ERC1: variants seen among roughly 807,000 people sequenced by gnomAD.
ERC1 encodes ELKS/RAB6-interacting/CAST family member 1.
ERC1 carries 56 observed loss-of-function variants against 132.0 expected under a neutral mutation model. The observed-to-expected ratio is 0.42, with a 90% CI of 0.34 to 0.53. The LOEUF (loss-of-function observed/expected upper bound fraction) is 0.53, where lower values mean the gene tolerates loss of function less well. Ranked by LOEUF, ERC1 falls within the 20% of genes least tolerant of loss-of-function variation. ERC1 has a pLI of 0.03. For missense variants in ERC1, 1,202 were observed against 1,349.9 expected (o/e 0.89, Z 1.72); for synonymous variants, 478 against 476.1 (o/e 1.00, Z -0.05).
chr12:1,302,636 C>T (rs997867565), intron 15 of ERC1, among the ~76,000 whole-genome samples: 2 of 152,060 alleles, frequency 1.3e-5, no homozygotes, highest in African/African-American at 2.4e-5. Context: ...TGTAATAAGG[C>T]GAGTCACGCA....
intron 6 of ERC1, among the ~76,000 whole-genome samples, chr12:1,114,704 C>T (rs1393062374): frequency 2.0e-5 from 3 of 152,056 alleles, no homozygotes; most frequent in East Asian, 1.9e-4. Flanking sequence ...ATATAGCCAC[C>T]GTTTAAAATT....
At chr12:1,465,368 G>A (rs2093723548) in intron 18 of ERC1, among the ~76,000 whole-genome samples, 1 of 151,848 alleles carries the variant, frequency 6.6e-6, no homozygotes, top group Admixed American at 6.6e-5. Context: ...CAAAAGGTTT[G>A]GTGGTACCAA....
rs73601998 is a variant in ERC1, at chr12:1,492,093, C to T, written c.*1863C>T. ...ATGGTCAGATTTCCAGCTCCCCCTACTCCCTGCTGTGAAACAATCCCTCTC... is the reference window on the plus strand; with the variant it reads ...ATGGTCAGATTTCCAGCTCCCCCTATTCCCTGCTGTGAAACAATCCCTCTC... On this transcript the variant is annotated 3_prime_UTR_variant, in exon 19 of 19. Transcript: ENST00000360905. 0.016 allele frequency: 3,685 copies of T among 233,094 alleles called. 129 individuals carry two copies. Among genetic ancestry groups the T allele is most frequent in the African/African-American group, 0.075 (3,421 of 45,408 alleles). 14.4% of individuals were successfully genotyped at this position (233,094 alleles called of 1,614,324 possible).
In ERC1 at chr12:1,127,733, C is replaced by T. The variant is rs377273400; in HGVS notation, c.1569+11700C>T. ...CCTCTGTGTTTCTAAGATACATATTCAGGAACATATTAAAACATATTAGAA... is the reference window on the plus strand; with the variant it reads ...CCTCTGTGTTTCTAAGATACATATTTAGGAACATATTAAAACATATTAGAA... On this transcript the variant is annotated intron_variant, in intron 7 of 18. Transcript: ENST00000360905. 8.5e-5 allele frequency among the ~76,000 whole-genome samples: 13 copies of T among 152,082 alleles called. No individual in the cohort carries two copies. In the East Asian group the frequency reaches 1.5e-3, roughly 18 times the overall value.
At position 1,180,656 on chromosome 12, in the gene ERC1, G is replaced by T. The variant is rs969676600; in HGVS notation, c.1854G>T (p.Leu618Phe). The T allele has an allele frequency of 3.1e-6, 5 of 1,613,924 alleles. No homozygotes were observed. Among genetic ancestry groups the T allele is most frequent in the Non-Finnish European group, 4.2e-6 (5 of 1,180,018 alleles). ...ACACTGACACTGCCTTGACAACTTT[G>T]GAGGAGGCCCTTGCAGAGAAAGTGA... The part of the protein sequence containing the change: ...TTNTDTALTT[L>F]EEALAEKERT... The change falls in exon 9 of 19, where the codon TTG (leucine) becomes TTT (phenylalanine). Residue 618 changes from leucine to phenylalanine, a missense_variant. Physicochemically the swap from Leu to Phe is conservative, Grantham distance 22. Coordinates refer to ENST00000360905, the MANE Select transcript of ERC1 (RefSeq NM_178040.4).
intron 12 of ERC1, among the ~76,000 whole-genome samples, chr12:1,219,706 G>A (rs995979630): frequency 1.3e-5 from 2 of 148,604 alleles, no homozygotes; most frequent in African/African-American, 5.0e-5. Context: ...CGTAATCTCG[G>A]CTCACTGCAA....
intron 15 of ERC1, among the ~76,000 whole-genome samples, chr12:1,312,178 C>A (rs961881365): frequency 6.6e-6 from 1 of 152,116 alleles, no homozygotes; most frequent in African/African-American, 2.4e-5. Context: ...GTGGTATGAT[C>A]ACATACCCCA....
rs764996827 is a variant in ERC1, at chr12:1,164,314, TTTATTTTGTTATTTTATTTTATG to T, written c.1738-16218_1738-16196del. 9.5e-3 allele frequency among the ~76,000 whole-genome samples: 1,379 copies of T among 145,784 alleles called. 11 individuals carry two copies. The highest frequency in any genetic ancestry group is 0.016 in the Admixed American group (232 of 14,880). ...ATTTTGTTATTTTATTTTATGTTAT[TTTATTTTGTTATTTTATTTTATG>T]TTATTTTATGTTATTTTATTTTTGA... On this transcript the variant is annotated intron_variant, in intron 8 of 18. Coordinates refer to ENST00000360905, the MANE Select transcript of ERC1 (RefSeq NM_178040.4).
intron 2 of ERC1, among the ~76,000 whole-genome samples, chr12:1,055,570 G>A (rs1399197703): frequency 6.6e-6 from 1 of 152,054 alleles, no homozygotes; most frequent in African/African-American, 2.4e-5. Flanking sequence ...CACAATCTCA[G>A]CATTTAAAAA....
intron 2 of ERC1, among the ~76,000 whole-genome samples, chr12:1,054,712 G>A (rs34076252): frequency 0.19 from 28,396 of 152,084 alleles, 3,365 homozygotes; most frequent in Non-Finnish European, 0.25. Flanking sequence ...CTTTAACAAA[G>A]CATTGTCTAA....
At chr12:1,175,988 A>G (rs1433617190) in intron 8 of ERC1, among the ~76,000 whole-genome samples, 4 of 152,148 alleles carry the variant, frequency 2.6e-5, no homozygotes, top group Admixed American at 6.5e-5. Flanking sequence ...ATTGGAATCA[A>G]CTTCTCCCAA....
intron 12 of ERC1, among the ~76,000 whole-genome samples, chr12:1,232,621 ATTC>A (rs2075129604): frequency 6.6e-6 from 1 of 151,582 alleles, no homozygotes; most frequent in African/African-American, 2.4e-5. Flanking sequence ...TTGTCAGTGT[ATTC>A]TTCAGTTTCA....
intron 15 of ERC1, among the ~76,000 whole-genome samples, chr12:1,365,007 G>C (rs940185894): frequency 6.6e-6 from 1 of 152,076 alleles, no homozygotes; most frequent in Non-Finnish European, 1.5e-5. Context: ...CAGATTCAAT[G>C]TTCTGTTTTT....
chr12:1,019,124 T>A (rs930941986), intron 1 of ERC1, among the ~76,000 whole-genome samples: 3 of 151,738 alleles, frequency 2.0e-5, no homozygotes, highest in Non-Finnish European at 4.4e-5. Context: ...GAATTCAGAT[T>A]AAAAAAAAAT....
chr12:1,323,539 T>C (rs1459450750), intron 15 of ERC1, among the ~76,000 whole-genome samples: 1 of 152,238 alleles, frequency 6.6e-6, no homozygotes, highest in East Asian at 1.9e-4. Flanking sequence ...ACTCCATGAG[T>C]TTTGTGAATA....
chr12:1,493,985 C>A lies in ERC1; in HGVS notation c.*3755C>A. On this transcript the variant is annotated 3_prime_UTR_variant, in exon 19 of 19. Coordinates refer to ENST00000360905, the MANE Select transcript of ERC1 (RefSeq NM_178040.4). Reference sequence around the variant, plus strand: ...ATCCACTGGCATTTGGATTTGCTGCCAGAGTCCTGTTCCTCCCAGAACCAT... The same window carrying A: ...ATCCACTGGCATTTGGATTTGCTGCAAGAGTCCTGTTCCTCCCAGAACCAT... 4.3e-6 allele frequency: 1 copy of A among 232,482 alleles called. No individual in the cohort carries two copies. Among genetic ancestry groups the A allele is most frequent in the Non-Finnish European group, 8.5e-6 (1 of 117,580 alleles). 14.4% of individuals were successfully genotyped at this position (232,482 alleles called of 1,614,324 possible). A position where few individuals can be genotyped will look rare whatever the true frequency, so the allele number is the denominator to read the frequency against.
At chr12:1,209,207 G>T (rs1382491270) in intron 12 of ERC1, among the ~76,000 whole-genome samples, 1 of 151,974 alleles carries the variant, frequency 6.6e-6, no homozygotes, top group African/African-American at 2.4e-5. Flanking sequence ...GACCTCAGAT[G>T]ATCCACCCGC....
intron 2 of ERC1, among the ~76,000 whole-genome samples, chr12:1,049,301 C>T (rs1210582191): frequency 6.6e-6 from 1 of 152,188 alleles, no homozygotes; most frequent in African/African-American, 2.4e-5. Flanking sequence ...GTTGCCTGCT[C>T]ATGGCAGATC....
chr12:1,046,926 T>G (rs933800542), intron 2 of ERC1, among the ~76,000 whole-genome samples: 1 of 152,220 alleles, frequency 6.6e-6, no homozygotes, highest in Non-Finnish European at 1.5e-5. Flanking sequence ...CCTTCACATT[T>G]GCCGTAGTTG....
Sources: gnomAD v4.1 joint callset for allele counts (sites outside exome capture counted in the v4.1 genomes callset) on GRCh38, gnomAD v4.1.1 for gene constraint, MANE v1.5 for transcripts, NCBI Gene and HGNC (gene_info 2026-07-23, HGNC 2026-07-21) for gene names.